The following ODR4 variants were observed in gnomAD, a reference collection of about 807,000 sequenced individuals.
The protein encoded by ODR4 is odr-4 GPCR localization factor homolog, also known as protein odr-4 homolog.
Under a neutral mutation model 60.2 loss-of-function variants are expected in ODR4, and 47 were observed. The ratio of observed to expected loss-of-function variants is 0.78; its 90% CI spans 0.62 to 1.00. The LOEUF is 1.00. ODR4 is among the 50% of genes least tolerant of loss of function. The pLI, the probability that ODR4 is intolerant of heterozygous loss-of-function variation, is 0.00. For missense variants in ODR4, 488 were observed against 530.8 expected, an observed-to-expected ratio of 0.92 and a Z score of 0.79; for synonymous variants, 178 against 175.5, an observed-to-expected ratio of 1.01 and a Z score of -0.11.
At chr1:186,432,817 AC>A in the ODR4 span, among the ~76,000 whole-genome samples, 1 of 147,044 alleles carries the variant, frequency 6.8e-6, no homozygotes, top group African/African-American at 2.5e-5. Context: ...ACGGAGTCTC[AC>A]TCTGTCACCC....
chr1:186,416,894 G>A (rs867326923), intron 12 of ODR4, among the ~76,000 whole-genome samples: 2 of 150,162 alleles, frequency 1.3e-5, no homozygotes, highest in Admixed American at 1.3e-4. Context: ...AATCTCAAGA[G>A]CGAAGTTTAC....
At chr1:186,381,493 A>G (rs1186684738) in intron 2 of ODR4, among the ~76,000 whole-genome samples, 1 of 151,706 alleles carries the variant, frequency 6.6e-6, no homozygotes, top group African/African-American at 2.4e-5. Context: ...TCGCCCGGCT[A>G]ATTTTTTGTA....
At chr1:186,407,288 T>C (rs1297154312) in intron 12 of ODR4, among the ~76,000 whole-genome samples, 2 of 152,158 alleles carry the variant, frequency 1.3e-5, no homozygotes, top group East Asian at 1.9e-4. Context: ...TCTAAAGATA[T>C]AACTGTAGCA....
At chr1:186,396,710 A>G (rs1414947716) in intron 9 of ODR4, among the ~76,000 whole-genome samples, 1 of 143,228 alleles carries the variant, frequency 7.0e-6, no homozygotes, top group African/African-American at 2.6e-5. Flanking sequence ...TTGGATAACA[A>G]TGCCATAATT....
At chr1:186,428,140 G>T in the ODR4 span, among the ~76,000 whole-genome samples, 1 of 152,286 alleles carries the variant, frequency 6.6e-6, no homozygotes, top group Admixed American at 6.5e-5. Context: ...TTGAAGTCAG[G>T]CATTGACTTC....
downstream of ODR4, among the ~76,000 whole-genome samples, chr1:186,422,523 C>A (rs1661811436): frequency 6.6e-6 from 1 of 151,816 alleles, no homozygotes. Context: ...AAAACTGGAC[C>A]CTGTATTTTA....
intron 11 of ODR4, among the ~76,000 whole-genome samples, chr1:186,403,280 G>GTA (rs959066477): frequency 9.9e-4 from 149 of 151,022 alleles, no homozygotes; most frequent in Admixed American, 2.2e-3. Flanking sequence ...TACATAGTAG[G>GTA]TATATATATA....
chr1:186,383,102 CA>C lies in ODR4; in HGVS notation c.183del (p.Ala62LeufsTer27). On this transcript the variant is annotated frameshift_variant, in exon 3 of 14. Coordinates refer to ENST00000287859, the MANE Select transcript of ODR4 (RefSeq NM_017847.6). LOFTEE classifies it high-confidence loss of function. ...EEQSENLKHP[K>X]AKLDNLDEEW... is the part of the protein sequence containing the mutation. The stretch of plus-strand genomic sequence containing the variant: ...AGCAAAGTGAGAACCTCAAACATCC[CA>C]AAGCTAAGTTGGATAACTTGGATGA... 1 of 1,562,642 alleles carries C rather than the reference CA, an allele frequency of 6.4e-7. No homozygotes were observed. The highest frequency in any genetic ancestry group is 8.7e-7 in the Non-Finnish European group (1 of 1,152,542).
chr1:186,410,056 AAGTAG>A (rs1182102124), intron 12 of ODR4, among the ~76,000 whole-genome samples: 4 of 152,206 alleles, frequency 2.6e-5, no homozygotes, highest in East Asian at 1.9e-4. Flanking sequence ...TTTTGAGAGT[AAGTAG>A]AGTATTTATC....
intron 11 of ODR4, among the ~76,000 whole-genome samples, chr1:186,404,011 T>C (rs1209620429): frequency 6.6e-6 from 1 of 152,180 alleles, no homozygotes; most frequent in Non-Finnish European, 1.5e-5. Flanking sequence ...AACTGTGCTA[T>C]CACCTATTCT....
At position 186,417,569 on chromosome 1, in the gene ODR4, T is replaced by A; in HGVS notation, c.1212T>A (p.Ser404Arg). The A allele has an allele frequency of 6.3e-7, 1 of 1,595,834 alleles. No individual in the cohort carries two copies. ...CTTGTATGAGTTCTTCTATGAATAGTCAAGCTTCATTGGACAACACAGATG... is the reference window on the plus strand; with the variant it reads ...CTTGTATGAGTTCTTCTATGAATAGACAAGCTTCATTGGACAACACAGATG... ...NTACMSSSMN[S>R]QASLDNTDDE... is the part of the protein sequence containing the mutation. The change falls in exon 13 of 14, where the codon AGT (serine) becomes AGA (arginine). Residue 404 changes from serine to arginine, a missense_variant. Physicochemically the swap from Ser to Arg is moderately radical, Grantham distance 110 (BLOSUM62 -1). Transcript: ENST00000287859.
intron 12 of ODR4, among the ~76,000 whole-genome samples, chr1:186,409,371 T>C (rs1661289867): frequency 6.6e-6 from 1 of 152,194 alleles, no homozygotes; most frequent in African/African-American, 2.4e-5. Context: ...AAAAAGGGCC[T>C]TTGCCTCTCT....
At position 186,398,433 on chromosome 1, in the gene ODR4, G is replaced by T. The variant is rs1156641194; in HGVS notation, c.901G>T (p.Ala301Ser). 1.2e-6 allele frequency: 2 copies of T among 1,605,022 alleles called. No individual in the cohort carries two copies. Among genetic ancestry groups the T allele is most frequent in the Admixed American group, 1.7e-5 (1 of 58,934 alleles). The change falls in exon 10 of 14, where the codon GCT (alanine) becomes TCT (serine). Residue 301 changes from alanine to serine, a missense_variant. By Grantham distance (99) the Ala-to-Ser change is moderately conservative. Coordinates refer to ENST00000287859, the MANE Select transcript of ODR4 (RefSeq NM_017847.6). The part of the protein sequence containing the change: ...IHSSKPKVKD[A>S]VQAVKRDILN... ...CAGCAGTAAACCCAAAGTTAAAGAT[G>T]CTGTGCAGGTACAAAAAGGAATAAC...
At chr1:186,389,278 A>G (rs922214406) in intron 5 of ODR4, among the ~76,000 whole-genome samples, 2 of 151,862 alleles carry the variant, frequency 1.3e-5, no homozygotes, top group Admixed American at 1.3e-4. Context: ...TCTTATGGAG[A>G]GTGTATATTT....
intron 12 of ODR4, among the ~76,000 whole-genome samples, chr1:186,415,618 T>C (rs760683985): frequency 2.3e-4 from 35 of 152,316 alleles, no homozygotes; most frequent in Non-Finnish European, 4.4e-4. Context: ...AGCTTCAGCC[T>C]GGGTAGCATA....
the ODR4 span, among the ~76,000 whole-genome samples, chr1:186,430,785 CATT>C: frequency 6.6e-6 from 1 of 151,552 alleles, no homozygotes; most frequent in South Asian, 2.1e-4. Context: ...CAAATTCTAA[CATT>C]ACACTAACTC....
intron 11 of ODR4, among the ~76,000 whole-genome samples, chr1:186,401,745 T>A (rs1316636435): frequency 6.6e-6 from 1 of 152,144 alleles, no homozygotes; most frequent in East Asian, 1.9e-4. Context: ...TGATGTACTG[T>A]TGCATTTGGT....
At chr1:186,421,452 T>G (rs1571709304), downstream of ODR4, 2 of 152,294 alleles carry the variant, frequency 1.3e-5, no homozygotes, top group South Asian at 4.1e-4. Context: ...GTGATTGGAA[T>G]TAGAGTGGTC....
At chr1:186,376,753 C>A (rs1294309700) in intron 1 of ODR4, among the ~76,000 whole-genome samples, 1 of 152,096 alleles carries the variant, frequency 6.6e-6, no homozygotes, top group Non-Finnish European at 1.5e-5. Context: ...TGTCCTAAGC[C>A]CACAGTATTA....
Sources: allele counts gnomAD v4.1 joint callset (sites outside exome capture counted in the v4.1 genomes callset), GRCh38; gene constraint gnomAD v4.1.1; transcripts MANE v1.5; gene names NCBI Gene and HGNC (gene_info 2026-07-23, HGNC 2026-07-21).